Variants in VWA8 observed in about 807,000 individuals in gnomAD.
VWA8 encodes the protein von Willebrand factor A domain containing 8, also known as von Willebrand factor A domain-containing protein 8.
Under a neutral mutation model 241.5 loss-of-function variants are expected in VWA8, and 221 were observed. That is an observed-to-expected ratio of 0.91 (90% CI 0.82 to 1.02). The LOEUF is 1.02. Ranked by LOEUF, VWA8 falls within the 50% of genes least tolerant of loss-of-function variation. The pLI is 0.00. For synonymous variants in VWA8, 852 were observed against 827.1 expected (o/e 1.03, Z -0.52); for missense variants, 2,322 against 2,328.7 (o/e 1.00, Z 0.06).
chr13:41,862,589 A>G (rs1333857033), intron 12 of VWA8, among the ~76,000 whole-genome samples: 1 of 152,184 alleles, frequency 6.6e-6, no homozygotes, highest in East Asian at 1.9e-4. Flanking sequence ...CAACAGAGAA[A>G]AAACAACCCC....
At chr13:41,810,986 G>A (rs1435977444) in intron 17 of VWA8, among the ~76,000 whole-genome samples, 3 of 151,754 alleles carry the variant, frequency 2.0e-5, no homozygotes, top group Non-Finnish European at 2.9e-5. Flanking sequence ...TGGTTCTGCA[G>A]GCTGTACAGG....
chr13:41,959,179 T>C (rs912494324), intron 1 of VWA8, among the ~76,000 whole-genome samples: 1 of 152,186 alleles, frequency 6.6e-6, no homozygotes, highest in Non-Finnish European at 1.5e-5. Flanking sequence ...AGCATTAATA[T>C]GTGCCACAGA....
rs887368921 is a variant in VWA8 at position 41,926,664 on chromosome 13, T to C, written c.242-14496A>G. 7 of 542,142 alleles carry C rather than the reference T, an allele frequency of 1.3e-5. 1 individual carries two copies. The highest frequency in any genetic ancestry group is 9.8e-5 in the South Asian group (7 of 71,370). 33.6% of individuals were successfully genotyped at this position (542,142 alleles called of 1,614,324 possible). A position where few individuals can be genotyped will look rare whatever the true frequency, so the allele number is the denominator to read the frequency against. On this transcript the variant is annotated intron_variant, in intron 2 of 44. Transcript: ENST00000379310. ...ACAGAGAAGATGGTTTCAGGGATGG[T>C]AAAGCATATTACAGGCAGTTACAAG...
In VWA8 at chr13:41,814,160, A is replaced by G. The variant is rs372706609; in HGVS notation, c.1947+2538T>C. ...AATCAATTTATTCATTAATTCACCAAAGATTTAAGTGTCTATTATGTGCCA... is the reference window on the plus strand; with the variant it reads ...AATCAATTTATTCATTAATTCACCAGAGATTTAAGTGTCTATTATGTGCCA... On this transcript the variant is annotated intron_variant, in intron 16 of 44. Coordinates refer to ENST00000379310, the MANE Select transcript of VWA8 (RefSeq NM_015058.2). Among the ~76,000 whole-genome samples, 8 of 152,308 alleles carry G rather than the reference A, an allele frequency of 5.3e-5. No individual in the cohort carries two copies. In the East Asian group the frequency reaches 1.5e-3, roughly 29 times the overall value.
In VWA8 at chr13:41,625,077, C is replaced by A. The variant is rs184660397; in HGVS notation, c.4612-9993G>T. Among the ~76,000 whole-genome samples, 701 of 152,196 alleles carry A rather than the reference C, an allele frequency of 4.6e-3. 9 individuals are homozygous for A. The highest frequency in any genetic ancestry group is 0.016 in the African/African-American group (660 of 41,528). On this transcript the variant is annotated intron_variant, in intron 37 of 44. Transcript: ENST00000379310. ...AATGCAATCCCATTCACAATAGCCA[C>A]AAAAAGAGTAAAATACCTAGGAATA...
chr13:41,572,290 T>G (rs1435811982), intron 43 of VWA8, among the ~76,000 whole-genome samples: 2 of 152,224 alleles, frequency 1.3e-5, no homozygotes, highest in Admixed American at 6.5e-5. Flanking sequence ...TGCCACCCCG[T>G]CTGGGAGGTG....
At chr13:41,830,020 A>C (rs1383137512) in intron 14 of VWA8, among the ~76,000 whole-genome samples, 1 of 152,172 alleles carries the variant, frequency 6.6e-6, no homozygotes, top group African/African-American at 2.4e-5. Flanking sequence ...AGGCGGGCGG[A>C]TCACGAGGTC....
intron 29 of VWA8, among the ~76,000 whole-genome samples, chr13:41,696,325 T>C (rs1033647310): frequency 2.0e-5 from 3 of 152,376 alleles, no homozygotes; most frequent in East Asian, 3.8e-4. Flanking sequence ...AGTTGACTTA[T>C]TTCCTCAATG....
chr13:41,645,813 T>G (rs1363940808), intron 37 of VWA8, among the ~76,000 whole-genome samples: 3 of 152,106 alleles, frequency 2.0e-5, no homozygotes, highest in Non-Finnish European at 4.4e-5. Flanking sequence ...TTAAAAATCT[T>G]TTTTTTTAAA....
intron 13 of VWA8, among the ~76,000 whole-genome samples, chr13:41,832,621 T>C (rs970572698): frequency 9.2e-5 from 14 of 152,092 alleles, no homozygotes; most frequent in Non-Finnish European, 1.5e-4. Context: ...ATTTAACCTT[T>C]CCTAATGAGT....
At chr13:41,849,403 A>G (rs1278097887) in intron 12 of VWA8, among the ~76,000 whole-genome samples, 1 of 152,192 alleles carries the variant, frequency 6.6e-6, no homozygotes, top group Non-Finnish European at 1.5e-5. Context: ...CTTTTTCAAT[A>G]TATTTCCCAC....
At chr13:41,698,125 A>T (rs149768782) in intron 29 of VWA8, among the ~76,000 whole-genome samples, 1 of 151,926 alleles carries the variant, frequency 6.6e-6, no homozygotes, top group African/African-American at 2.4e-5. Flanking sequence ...TCACCTTCTA[A>T]TTTAAGATAT....
chr13:41,879,382 TACAC>T (rs3073827), intron 9 of VWA8, among the ~76,000 whole-genome samples: 5,951 of 140,464 alleles, frequency 0.042, 120 homozygotes, highest in Non-Finnish European at 0.051. Context: ...CATACACACA[TACAC>T]ACACACACAC....
chr13:41,951,143 G>A (rs1878117663), intron 1 of VWA8, among the ~76,000 whole-genome samples: 1 of 152,152 alleles, frequency 6.6e-6, no homozygotes, highest in Non-Finnish European at 1.5e-5. Flanking sequence ...CTGGCCAGGT[G>A]CAGTGGCTCA....
chr13:41,575,411 T>TA (rs144131318), intron 43 of VWA8, among the ~76,000 whole-genome samples: 1 of 151,942 alleles, frequency 6.6e-6, no homozygotes. Flanking sequence ...ACTATTGAAA[T>TA]AAAAAAATTT....
At chr13:41,820,520 A>G (rs564949324) in intron 14 of VWA8, among the ~76,000 whole-genome samples, 1 of 152,322 alleles carries the variant, frequency 6.6e-6, no homozygotes, top group South Asian at 2.1e-4. Flanking sequence ...GGGGAAACCA[A>G]TTTTTAGAAA....
intron 37 of VWA8, among the ~76,000 whole-genome samples, chr13:41,625,935 A>T (rs2139670586): frequency 6.6e-6 from 1 of 151,834 alleles, no homozygotes; most frequent in African/African-American, 2.4e-5. Context: ...CTTTGTAGGG[A>T]CGTGGATGAA....
chr13:41,633,338 G>A (rs2044737628), intron 37 of VWA8, among the ~76,000 whole-genome samples: 1 of 152,184 alleles, frequency 6.6e-6, no homozygotes, highest in Non-Finnish European at 1.5e-5. Flanking sequence ...TTCAGCACCA[G>A]GCACAGTCTT....
intron 26 of VWA8, among the ~76,000 whole-genome samples, chr13:41,704,707 G>C (rs904393286): frequency 2.6e-5 from 4 of 152,048 alleles, no homozygotes; most frequent in African/African-American, 9.7e-5. Flanking sequence ...GGACTGAAGT[G>C]ATCCTCCTGC....
Sources: allele counts gnomAD v4.1 joint callset (sites outside exome capture counted in the v4.1 genomes callset), GRCh38; gene constraint gnomAD v4.1.1; transcripts MANE v1.5; gene names NCBI Gene and HGNC (gene_info 2026-07-23, HGNC 2026-07-21).